LNX2: variants seen among roughly 807,000 people sequenced by gnomAD.
LNX2 encodes ligand of Numb protein X 2.
LNX2 carries 35 observed loss-of-function variants against 66.2 expected under a neutral mutation model. The ratio of observed to expected loss-of-function variants is 0.53; its 90% confidence interval spans 0.40 to 0.70. LNX2 has a LOEUF of 0.70. LNX2 is among the 30% of genes least tolerant of loss of function. The probability of loss-of-function intolerance (pLI) is 0.00; values close to 1 mark genes in which losing one functional copy is unlikely to be tolerated. For synonymous variants in LNX2, 337 were observed against 315.6 expected (o/e 1.07, Z -0.72); for missense variants, 791 against 850.8 (o/e 0.93, Z 0.87).
chr13:27,611,071 C>T (rs765553595), intron 1 of LNX2, among the ~76,000 whole-genome samples: 28 of 152,118 alleles, frequency 1.8e-4, no homozygotes, highest in Admixed American at 1.3e-4. Flanking sequence ...TCAAAAAGTT[C>T]GACTACCATA....
chr13:27,562,992 G>T (rs1195351591), intron 4 of LNX2, among the ~76,000 whole-genome samples: 1 of 152,154 alleles, frequency 6.6e-6, no homozygotes, highest in Admixed American at 6.5e-5. Context: ...TAGCATCAAG[G>T]AGAGAATAGT....
intron 2 of LNX2, among the ~76,000 whole-genome samples, chr13:27,573,942 C>T (rs1160154929): frequency 1.4e-5 from 2 of 139,770 alleles, no homozygotes; most frequent in Non-Finnish European, 3.1e-5. Context: ...AAAAAAAAAG[C>T]AGCCAACAGA....
intron 1 of LNX2, among the ~76,000 whole-genome samples, 188 bp from the exon 2 acceptor site, chr13:27,581,991 T>C (rs1296497262): frequency 6.6e-6 from 1 of 152,164 alleles, no homozygotes; most frequent in Non-Finnish European, 1.5e-5. Flanking sequence ...ACTGCCAAGT[T>C]CTTTTTTATT....
chr13:27,607,334 A>G (rs1285469026), intron 1 of LNX2, among the ~76,000 whole-genome samples: 1 of 152,218 alleles, frequency 6.6e-6, no homozygotes, highest in Non-Finnish European at 1.5e-5. Flanking sequence ...TCAACTGATG[A>G]GTCATGGGTC....
In LNX2 at chr13:27,610,814, C is replaced by T. The variant is rs183452097; in HGVS notation, c.-101+9561G>A. On this transcript the variant is annotated intron_variant, in intron 1 of 9. Transcript: ENST00000316334. Reference sequence around the variant, plus strand: ...AAAACAGGCCAAGGATGTGAACAGACATTTCTCCAAAAATGATACAGAAAT... The same window carrying T: ...AAAACAGGCCAAGGATGTGAACAGATATTTCTCCAAAAATGATACAGAAAT... Among the ~76,000 whole-genome samples the T allele has an allele frequency of 3.3e-5, 5 of 152,238 alleles. No homozygotes were observed. The East Asian group carries it at 9.6e-4, about 29-fold the overall frequency.
chr13:27,566,344 A>T (rs76956886), intron 4 of LNX2, among the ~76,000 whole-genome samples: 3 of 152,168 alleles, frequency 2.0e-5, no homozygotes, highest in African/African-American at 4.8e-5. Flanking sequence ...TGGCTCTTCC[A>T]CTAGATTGTA....
chr13:27,560,565 G>GTGTGTATATATA (rs35007288), intron 5 of LNX2, among the ~76,000 whole-genome samples: 155 of 120,014 alleles, frequency 1.3e-3, no homozygotes, highest in African/African-American at 4.9e-3. Flanking sequence ...ATGTATGTGT[G>GTGTGTATATATA]TATATATATA....
At chr13:27,594,277 GTT>G (rs1163110355) in intron 1 of LNX2, among the ~76,000 whole-genome samples, 1 of 151,996 alleles carries the variant, frequency 6.6e-6, no homozygotes, top group Non-Finnish European at 1.5e-5. Context: ...CTTAGCCCCA[GTT>G]TTTTCTTATT....
At chr13:27,612,896 A>C (rs1448098052) in intron 1 of LNX2, among the ~76,000 whole-genome samples, 1 of 152,220 alleles carries the variant, frequency 6.6e-6, no homozygotes, top group Non-Finnish European at 1.5e-5. Flanking sequence ...TATTTTATTT[A>C]ACCCAATATA....
At chr13:27,583,251 T>TGCGCGCGCGC (rs1955437624) in intron 1 of LNX2, among the ~76,000 whole-genome samples, 6 of 46,612 alleles carry the variant, frequency 1.3e-4, no homozygotes, top group Non-Finnish European at 1.9e-4. Context: ...TGTGTGTGTG[T>TGCGCGCGCGC]GTGTGCGCGC....
At chr13:27,601,920 C>T (rs184420892) in intron 1 of LNX2, among the ~76,000 whole-genome samples, 3 of 152,248 alleles carry the variant, frequency 2.0e-5, no homozygotes, top group Non-Finnish European at 2.9e-5. Context: ...AGGGTAAACA[C>T]TTGTACTTTA....
intron 7 of LNX2, among the ~76,000 whole-genome samples, chr13:27,555,092 A>G (rs992102858): frequency 6.6e-6 from 1 of 152,136 alleles, no homozygotes; most frequent in Middle Eastern, 3.2e-3. Context: ...ATTACTACAG[A>G]TTCACACCAC....
intron 1 of LNX2, among the ~76,000 whole-genome samples, chr13:27,600,521 A>G (rs1025681375): frequency 6.6e-6 from 1 of 152,238 alleles, no homozygotes; most frequent in Non-Finnish European, 1.5e-5. Flanking sequence ...AATCTGTAAG[A>G]AACATTAATA....
chr13:27,562,143 C>G (rs1955142974), intron 5 of LNX2, among the ~76,000 whole-genome samples: 1 of 152,120 alleles, frequency 6.6e-6, no homozygotes, highest in East Asian at 1.9e-4. Context: ...TAGTAGAACC[C>G]AGGACCCAAA....
intron 1 of LNX2, among the ~76,000 whole-genome samples, 198 bp downstream of exon 1, chr13:27,620,177 G>T (rs1218957): frequency 0.44 from 66,464 of 150,684 alleles, 16,849 homozygotes; most frequent in Admixed American, 0.58. Context: ...ACCCACACCC[G>T]AGTCCACGCC....
intron 2 of LNX2, among the ~76,000 whole-genome samples, chr13:27,572,471 G>A (rs1402049665): frequency 6.6e-6 from 1 of 152,228 alleles, no homozygotes; most frequent in South Asian, 2.1e-4. Flanking sequence ...AATCTGCCAT[G>A]GGCTGAGGGC....
At chr13:27,550,716 C>T (rs1010950483) in intron 8 of LNX2, among the ~76,000 whole-genome samples, 13 of 152,108 alleles carry the variant, frequency 8.5e-5, no homozygotes, top group Non-Finnish European at 1.5e-4. Context: ...AAGACACACA[C>T]ACACACATAC....
chr13:27,582,273 C>T (rs1338713606), intron 1 of LNX2, among the ~76,000 whole-genome samples: 1 of 152,060 alleles, frequency 6.6e-6, no homozygotes, highest in Non-Finnish European at 1.5e-5. Context: ...TGGACTCAAG[C>T]AATCAGCCCT....
intron 1 of LNX2, among the ~76,000 whole-genome samples, chr13:27,586,512 C>T (rs1325508135): frequency 2.0e-5 from 3 of 152,166 alleles, no homozygotes; most frequent in Non-Finnish European, 4.4e-5. Flanking sequence ...ACTATCAGCT[C>T]TAAGAGTGAG....
Sources: gnomAD v4.1 joint callset for allele counts (sites outside exome capture counted in the v4.1 genomes callset) on GRCh38, gnomAD v4.1.1 for gene constraint, MANE v1.5 for transcripts, NCBI Gene and HGNC (gene_info 2026-07-23, HGNC 2026-07-21) for gene names.